Variants in CCDC6 observed in about 807,000 individuals in gnomAD.
CCDC6 encodes the protein coiled-coil domain-containing protein 6.
CCDC6 carries 20 observed loss-of-function variants against 56.6 expected under a neutral mutation model. That is an observed-to-expected ratio of 0.35 (90% CI 0.25 to 0.51). The LOEUF (loss-of-function observed/expected upper bound fraction) is 0.51. Among genes scored for constraint, CCDC6 ranks in the 20% least tolerant of loss-of-function variants. The pLI, the probability that CCDC6 is intolerant of heterozygous loss-of-function variation, is 0.95. For synonymous variants in CCDC6, 241 were observed against 234.4 expected, an observed-to-expected ratio of 1.03 and a Z score of -0.26; for missense variants, 367 against 601.1, an observed-to-expected ratio of 0.61 and a Z score of 4.07.
intron 1 of CCDC6, among the ~76,000 whole-genome samples, chr10:59,855,628 G>A (rs1391611164): frequency 6.6e-6 from 1 of 152,160 alleles, no homozygotes; most frequent in Non-Finnish European, 1.5e-5. Context: ...GGGAATGACT[G>A]CTCATGGCTA....
intron 1 of CCDC6, among the ~76,000 whole-genome samples, chr10:59,888,000 C>A (rs932013100): frequency 1.3e-5 from 2 of 152,190 alleles, no homozygotes; most frequent in South Asian, 4.1e-4. Context: ...TACCTACTCC[C>A]ACAGACTTGC....
Position 59,792,914 on chromosome 10 carries a change from G to A in CCDC6, c.*3C>T. ...AACTTGAAATTCAGACTAAGCTCAT[G>A]CATTAAGGCTGGGAGGAGGGGTGCG... is the stretch of plus-strand genomic sequence containing the variant. On this transcript the variant is annotated 3_prime_UTR_variant, in exon 9 of 9. Transcript: ENST00000263102. The A allele has an allele frequency of 6.2e-7, 1 of 1,610,284 alleles. No homozygotes were observed. The highest frequency in any genetic ancestry group is 8.5e-7 in the Non-Finnish European group (1 of 1,177,714).
intron 2 of CCDC6, among the ~76,000 whole-genome samples, chr10:59,833,641 G>GGC (rs1491502792): frequency 2.9e-5 from 1 of 34,420 alleles, no homozygotes; most frequent in Non-Finnish European, 5.4e-5. Context: ...ACTCTCAACT[G>GGC]GGGGGGGGGG....
chr10:59,794,035 T>A (rs1265992148), intron 8 of CCDC6, among the ~76,000 whole-genome samples: 1 of 152,188 alleles, frequency 6.6e-6, no homozygotes, highest in East Asian at 1.9e-4. Context: ...TGGAACCAGA[T>A]GCACTTAAGC....
chr10:59,855,004 C>T (rs1156640247), intron 1 of CCDC6, among the ~76,000 whole-genome samples: 1 of 152,182 alleles, frequency 6.6e-6, no homozygotes, highest in Non-Finnish European at 1.5e-5. Flanking sequence ...CATTAACACA[C>T]ATTTAGTATT....
intron 3 of CCDC6, among the ~76,000 whole-genome samples, chr10:59,831,966 G>T (rs1282426316): frequency 2.0e-5 from 3 of 152,198 alleles, no homozygotes; most frequent in Non-Finnish European, 4.4e-5. Context: ...TACAAATGGA[G>T]AACCTGAGCC....
intron 1 of CCDC6, among the ~76,000 whole-genome samples, chr10:59,887,395 C>T (rs1171819): frequency 0.66 from 99,504 of 151,414 alleles, 33,120 homozygotes; most frequent in East Asian, 0.86. Flanking sequence ...TTCAAGGTGA[C>T]GGTGACATTT....
chr10:59,862,501 G>GTATATATATATATATATATATATATATA (rs146237484), intron 1 of CCDC6, among the ~76,000 whole-genome samples: 9 of 85,048 alleles, frequency 1.1e-4, no homozygotes, highest in African/African-American at 3.0e-4. Context: ...AAAAAAAAAA[G>GTATATATATATATATATATATATATATA]TATATATATA....
chr10:59,852,335 G>A (rs796897644), intron 2 of CCDC6, among the ~76,000 whole-genome samples: 11 of 152,188 alleles, frequency 7.2e-5, no homozygotes, highest in African/African-American at 1.4e-4. Context: ...GGAAATGCTC[G>A]GGGTACAAAA....
intron 8 of CCDC6, among the ~76,000 whole-genome samples, chr10:59,793,737 T>C (rs897278355): frequency 6.8e-6 from 1 of 147,448 alleles, no homozygotes. Flanking sequence ...TGAGCAGACA[T>C]CATGCTGCTG....
At chr10:59,853,588 G>A (rs1158910200) in intron 1 of CCDC6, among the ~76,000 whole-genome samples, 1 of 150,836 alleles carries the variant, frequency 6.6e-6, no homozygotes, top group East Asian at 1.9e-4. Flanking sequence ...ATGGACACGT[G>A]TTCACTGAAT....
In CCDC6 at chr10:59,896,619, AAAAC is replaced by A. The variant is rs1488047125; in HGVS notation, c.303+9499_303+9502del. ...AAAAAAACAAACAAAAACAAGAACA[AAAAC>A]AAACAAACAAAAAAAATTAAGTCAC... On this transcript the variant is annotated intron_variant, in intron 1 of 8. Coordinates refer to ENST00000263102, the MANE Select transcript of CCDC6 (RefSeq NM_005436.5). Among the ~76,000 whole-genome samples the A allele has an allele frequency of 9.2e-5, 14 of 152,266 alleles. No homozygotes were observed. The South Asian group carries it at 1.5e-3, about 16-fold the overall frequency.
At chr10:59,841,618 C>A (rs529275511) in intron 2 of CCDC6, among the ~76,000 whole-genome samples, 1 of 151,990 alleles carries the variant, frequency 6.6e-6, no homozygotes, top group South Asian at 2.1e-4. Context: ...TAGAAATCCA[C>A]GACAACAATC....
At chr10:59,849,338 T>C (rs1020577218) in intron 2 of CCDC6, among the ~76,000 whole-genome samples, 10 of 152,212 alleles carry the variant, frequency 6.6e-5, no homozygotes, top group African/African-American at 2.4e-4. Flanking sequence ...TTTGTGTGTG[T>C]TTTCCTGTTG....
chr10:59,795,909 C>T (rs2070514119), intron 7 of CCDC6, among the ~76,000 whole-genome samples: 1 of 152,084 alleles, frequency 6.6e-6, no homozygotes, highest in African/African-American at 2.4e-5. Flanking sequence ...CAAGTCTTTG[C>T]TATTGTGAAT....
At chr10:59,841,857 T>C (rs777539155) in intron 2 of CCDC6, among the ~76,000 whole-genome samples, 36 of 151,304 alleles carry the variant, frequency 2.4e-4, no homozygotes, top group Non-Finnish European at 4.3e-4. Flanking sequence ...TTAGTAGAGA[T>C]GGGGTTTCAC....
At chr10:59,834,358 C>A (rs903540744) in intron 2 of CCDC6, among the ~76,000 whole-genome samples, 2 of 148,624 alleles carry the variant, frequency 1.3e-5, no homozygotes, top group Non-Finnish European at 3.0e-5. Flanking sequence ...CATGGTGAAA[C>A]CCTGTCTCTA....
At chr10:59,819,747 T>A (rs976393111) in intron 3 of CCDC6, among the ~76,000 whole-genome samples, 2 of 152,236 alleles carry the variant, frequency 1.3e-5, no homozygotes, top group South Asian at 4.1e-4. Context: ...ATCACTTTTT[T>A]AAAAAAATTG....
At chr10:59,795,595 G>T (rs985453314) in intron 7 of CCDC6, among the ~76,000 whole-genome samples, 2 of 151,072 alleles carry the variant, frequency 1.3e-5, no homozygotes, top group South Asian at 2.1e-4. Flanking sequence ...TTAGCATTAG[G>T]TATATCTCCT....
Sources: allele counts gnomAD v4.1 joint callset (sites outside exome capture counted in the v4.1 genomes callset), GRCh38; gene constraint gnomAD v4.1.1; transcripts MANE v1.5; gene names NCBI Gene and HGNC (gene_info 2026-07-23, HGNC 2026-07-21).